Variants in CDH17 observed in about 807,000 individuals in gnomAD.
The protein encoded by CDH17 is cadherin-17.
In CDH17, 67 loss-of-function variants were observed where a neutral mutation model predicts 86.3. The ratio of observed to expected loss-of-function variants is 0.78; its 90% CI spans 0.64 to 0.95. The LOEUF (loss-of-function observed/expected upper bound fraction) is 0.95. Among genes scored for constraint, CDH17 ranks in the 40% least tolerant of loss-of-function variants. The probability of loss-of-function intolerance (pLI) is 0.00; values close to 1 mark genes in which losing one functional copy is unlikely to be tolerated. For synonymous variants in CDH17, 367 were observed against 366.4 expected (o/e 1.00, Z -0.02); for missense variants, 993 against 1,017.6 (o/e 0.98, Z 0.33).
At chr8:94,133,660 G>A (rs1382622731) in intron 15 of CDH17, among the ~76,000 whole-genome samples, 1 of 152,042 alleles carries the variant, frequency 6.6e-6, no homozygotes, top group Non-Finnish European at 1.5e-5. Context: ...TCTTTCTCTT[G>A]CCTGATTGCC....
chr8:94,213,160 G>T (rs1814147957), upstream of CDH17, among the ~76,000 whole-genome samples: 1 of 152,196 alleles, frequency 6.6e-6, no homozygotes, highest in Non-Finnish European at 1.5e-5. Context: ...ATTTTTTGTA[G>T]AGATAGGTTC....
chr8:94,196,434 A>G (rs541731552), intron 1 of CDH17, among the ~76,000 whole-genome samples: 2 of 152,146 alleles, frequency 1.3e-5, no homozygotes, highest in African/African-American at 4.8e-5. Flanking sequence ...GCGGGAAACA[A>G]TGGTTCACAT....
intron 1 of CDH17, among the ~76,000 whole-genome samples, chr8:94,207,351 AC>A (rs1814048838): frequency 6.6e-6 from 1 of 152,214 alleles, no homozygotes; most frequent in East Asian, 1.9e-4. Context: ...GCACCAAGCA[AC>A]ATAGTAAGCT....
chr8:94,170,102 A>G (rs996017166), intron 9 of CDH17, among the ~76,000 whole-genome samples: 6 of 152,232 alleles, frequency 3.9e-5, no homozygotes, highest in African/African-American at 1.4e-4. Flanking sequence ...ATATACATGT[A>G]TATAAGATAC....
At chr8:94,196,343 T>C (rs1813785857) in intron 1 of CDH17, among the ~76,000 whole-genome samples, 1 of 152,220 alleles carries the variant, frequency 6.6e-6, no homozygotes, top group Non-Finnish European at 1.5e-5. Context: ...TCACCAATGT[T>C]CTGGGAGATA....
At chr8:94,148,255 A>G (rs1232111331) in intron 14 of CDH17, among the ~76,000 whole-genome samples, 1 of 152,120 alleles carries the variant, frequency 6.6e-6, no homozygotes, top group African/African-American at 2.4e-5. Flanking sequence ...ACAAAACCAC[A>G]AAGGGGCTGG....
intron 12 of CDH17, among the ~76,000 whole-genome samples, chr8:94,157,450 C>T (rs1812968117): frequency 1.3e-5 from 2 of 152,110 alleles, no homozygotes; most frequent in Non-Finnish European, 1.5e-5. Flanking sequence ...AATCCACAGC[C>T]CAGGGTTGGT....
intron 15 of CDH17, among the ~76,000 whole-genome samples, chr8:94,134,877 T>C (rs1812491539): frequency 6.6e-6 from 1 of 152,230 alleles, no homozygotes; most frequent in South Asian, 2.1e-4. Flanking sequence ...TCTCATTGGT[T>C]TCAAAAAACA....
At chr8:94,210,984 G>C (rs1015670571), upstream of CDH17, among the ~76,000 whole-genome samples, 1 of 142,594 alleles carries the variant, frequency 7.0e-6, no homozygotes, top group Non-Finnish European at 1.5e-5. Context: ...TTGCACCACT[G>C]CACTCCAGCC....
rs187115114 is a variant in CDH17 at position 94,177,575 on chromosome 8, G to T, written c.285+12C>A. On this transcript the variant is annotated intron_variant, in intron 4 of 17. Coordinates refer to ENST00000027335, the MANE Select transcript of CDH17 (RefSeq NM_004063.4). ...GGTTGGAGTTAGATCCCTTCAGCTG[G>T]TATCAATTTACCTGGAGATTGTGAG... 684 of 1,613,570 alleles carry T rather than the reference G, an allele frequency of 4.2e-4. 2 individuals are homozygous for T. In the African/African-American group the frequency reaches 8.4e-3, roughly 20 times the overall value.
chr8:94,207,365 T>G (rs1340678659), intron 1 of CDH17, among the ~76,000 whole-genome samples: 1 of 152,190 alleles, frequency 6.6e-6, no homozygotes, highest in Non-Finnish European at 1.5e-5. Flanking sequence ...AGTAAGCTCT[T>G]TACCTACTTA....
At chr8:94,156,126 A>C (rs1361241886) in intron 12 of CDH17, among the ~76,000 whole-genome samples, 1 of 152,130 alleles carries the variant, frequency 6.6e-6, no homozygotes, top group South Asian at 2.1e-4. Flanking sequence ...TAACTGAAAA[A>C]ACCTGCTCAT....
rs776990944 is a variant in CDH17, at chr8:94,130,916, A to G, written c.2244T>C (p.Asp748=). 8.7e-6 allele frequency: 14 copies of G among 1,611,810 alleles called. No individual in the cohort carries two copies. The South Asian group carries it at 1.5e-4, about 18-fold the overall frequency. ...TGCCTTCCAAGGGTGGCCGACCCCCATCATTGATGCGGATCAAGACGACAT... is the reference window on the plus strand; with the variant it reads ...TGCCTTCCAAGGGTGGCCGACCCCCGTCATTGATGCGGATCAAGACGACAT... ...REYVVLIRIN[D]GGRPPLEGIV... Residue 748 remains aspartate (D), a synonymous_variant, in exon 16 of 18, where the codon GAT becomes GAC. Transcript: ENST00000027335.
chr8:94,192,897 C>T (rs1053269441), intron 2 of CDH17, among the ~76,000 whole-genome samples: 13 of 152,202 alleles, frequency 8.5e-5, no homozygotes, highest in East Asian at 3.8e-4. Context: ...AAGATCTACT[C>T]GCAGTCTGGA....
chr8:94,161,117 C>T (rs1170947627), intron 11 of CDH17, among the ~76,000 whole-genome samples: 1 of 152,188 alleles, frequency 6.6e-6, no homozygotes, highest in African/African-American at 2.4e-5. Context: ...TCTGAGACCT[C>T]AAGTGCAGGA....
chr8:94,136,544 C>T (rs1812531515), intron 15 of CDH17, among the ~76,000 whole-genome samples: 2 of 152,126 alleles, frequency 1.3e-5, no homozygotes, highest in Non-Finnish European at 2.9e-5. Flanking sequence ...ATTCATCTAA[C>T]CCTTTTTCAA....
At position 94,151,907 on chromosome 8, in the gene CDH17, C is replaced by G. The variant is rs189236130; in HGVS notation, c.1757G>C (p.Gly586Ala). The G allele has an allele frequency of 3.7e-6, 6 of 1,614,036 alleles. No homozygotes were observed. The East Asian group carries it at 1.3e-4, about 36-fold the overall frequency. ...TTCTGGATCCTTGGCAGTCACATTGCCCACTTTAGTGCCTATAGCTACATC... is the reference window on the plus strand; with the variant it reads ...TTCTGGATCCTTGGCAGTCACATTGGCCACTTTAGTGCCTATAGCTACATC... Reference protein sequence around the residue: ...SEDVAIGTKVGNVTAKDPEGL... With the variant: ...SEDVAIGTKVANVTAKDPEGL... The change falls in exon 13 of 18, where the codon GGC (glycine) becomes GCC (alanine). Residue 586 changes from glycine to alanine, a missense_variant. Coordinates refer to ENST00000027335, the MANE Select transcript of CDH17 (RefSeq NM_004063.4).
In CDH17 at chr8:94,173,905, A is replaced by C; in HGVS notation, c.675T>G (p.Ser225Arg). 6.2e-7 allele frequency: 1 copy of C among 1,613,658 alleles called. No individual in the cohort carries two copies. Among genetic ancestry groups the C allele is most frequent in the Non-Finnish European group, 8.5e-7 (1 of 1,179,602 alleles). ...CTATGATATCCACAGATGTGGTATC[A>C]CTGAAGGAATTCTCACTCTGGCCTC... ...DMGGQSENSF[S>R]DTTSVDIIVT... The change falls in exon 7 of 18, where the codon AGT becomes AGG. Residue 225 changes from serine (S) to arginine (R), a missense_variant. Transcript: ENST00000027335.
chr8:94,145,904 T>C, intron 15 of CDH17, 24 bp downstream of exon 15: 1 of 1,602,666 alleles, frequency 6.2e-7, no homozygotes, highest in Admixed American at 1.7e-5. Flanking sequence ...CTATGTTTTT[T>C]TCCATGTATT....
Sources: gnomAD v4.1 joint callset for allele counts (sites outside exome capture counted in the v4.1 genomes callset) on GRCh38, gnomAD v4.1.1 for gene constraint, MANE v1.5 for transcripts, NCBI Gene and HGNC (gene_info 2026-07-23, HGNC 2026-07-21) for gene names.